Variants in ENTREP2 observed in about 807,000 individuals in gnomAD.
ENTREP2 encodes the protein protein ENTREP2.
chr15:29,643,647 T>C, the ENTREP2 span, among the ~76,000 whole-genome samples: 1 of 150,826 alleles, frequency 6.6e-6, no homozygotes, highest in East Asian at 2.0e-4. Context: ...CCGGGCATGG[T>C]GGTGAGCACC....
the ENTREP2 span, among the ~76,000 whole-genome samples, chr15:29,213,794 TC>T: frequency 2.0e-5 from 3 of 152,102 alleles, no homozygotes; most frequent in Non-Finnish European, 4.4e-5. Flanking sequence ...AATCTACTCA[TC>T]TGACAAAGGG....
chr15:29,657,008 G>T, the ENTREP2 span, among the ~76,000 whole-genome samples: 20 of 152,244 alleles, frequency 1.3e-4, no homozygotes, highest in Non-Finnish European at 2.2e-4. Context: ...TCGTGGTCTC[G>T]CTGCCTTCAA....
At chr15:29,214,464 C>T in the ENTREP2 span, among the ~76,000 whole-genome samples, 8 of 152,242 alleles carry the variant, frequency 5.3e-5, no homozygotes, top group East Asian at 1.2e-3. Context: ...CGCATGTTCT[C>T]ACATATAGGT....
the ENTREP2 span, among the ~76,000 whole-genome samples, chr15:29,531,543 G>C: frequency 1.3e-5 from 2 of 152,136 alleles, no homozygotes; most frequent in Admixed American, 1.3e-4. Flanking sequence ...AAGGCTGTGG[G>C]AAACCCATTT....
the ENTREP2 span, among the ~76,000 whole-genome samples, chr15:29,397,153 G>A: frequency 5.7e-4 from 87 of 152,292 alleles, no homozygotes; most frequent in Admixed American, 1.8e-3. Flanking sequence ...CACTTTGGGA[G>A]GCCGAGGTGG....
chr15:29,456,866 T>A, the ENTREP2 span, among the ~76,000 whole-genome samples: 8 of 152,302 alleles, frequency 5.3e-5, no homozygotes, highest in African/African-American at 1.9e-4. Flanking sequence ...CATCAGTTAC[T>A]TGGTTAGCGT....
the ENTREP2 span, among the ~76,000 whole-genome samples, chr15:29,236,596 C>A: frequency 1.3e-5 from 2 of 152,128 alleles, no homozygotes; most frequent in African/African-American, 2.4e-5. Context: ...TTGCATTGAG[C>A]TATGATTGTG....
chr15:29,673,284 C>A, the ENTREP2 span, among the ~76,000 whole-genome samples: 1 of 152,194 alleles, frequency 6.6e-6, no homozygotes, highest in African/African-American at 2.4e-5. Context: ...GTCTTTATGA[C>A]CTGTATCTTG....
chr15:29,640,162 G>T, the ENTREP2 span, among the ~76,000 whole-genome samples: 1 of 152,232 alleles, frequency 6.6e-6, no homozygotes, highest in South Asian at 2.1e-4. Flanking sequence ...ACTAAAATCA[G>T]AAATGAATGA....
chr15:29,304,038 G>T, the ENTREP2 span, among the ~76,000 whole-genome samples: 1 of 151,976 alleles, frequency 6.6e-6, no homozygotes, highest in Non-Finnish European at 1.5e-5. Context: ...CTGCCACCAT[G>T]CCCTGCTAAT....
chr15:29,594,047 C>T, the ENTREP2 span, among the ~76,000 whole-genome samples: 1 of 152,020 alleles, frequency 6.6e-6, no homozygotes, highest in East Asian at 1.9e-4. Flanking sequence ...AGAGGACCTT[C>T]CTGCACATTT....
At chr15:29,127,780 C>G in the ENTREP2 span, among the ~76,000 whole-genome samples, 1 of 152,136 alleles carries the variant, frequency 6.6e-6, no homozygotes, top group Non-Finnish European at 1.5e-5. Context: ...AGATGGGAAA[C>G]AGGAAGGGGC....
chr15:29,434,812 T>C, the ENTREP2 span, among the ~76,000 whole-genome samples: 2 of 152,036 alleles, frequency 1.3e-5, no homozygotes, highest in African/African-American at 2.4e-5. Context: ...CCTTAGACGG[T>C]GAAAAAAGTC....
At chr15:29,373,241 A>C in the ENTREP2 span, among the ~76,000 whole-genome samples, 1 of 152,190 alleles carries the variant, frequency 6.6e-6, no homozygotes, top group Non-Finnish European at 1.5e-5. Flanking sequence ...GTGACAGTGA[A>C]GGAGAGGAGT....
chr15:29,482,058 A>C, the ENTREP2 span, among the ~76,000 whole-genome samples: 76,715 of 151,552 alleles, frequency 0.51, 20,500 homozygotes, highest in African/African-American at 0.7. Flanking sequence ...AGTACAGTGG[A>C]ACAGTCTCAG....
chr15:29,389,086 A>G, the ENTREP2 span, among the ~76,000 whole-genome samples: 142 of 152,154 alleles, frequency 9.3e-4, no homozygotes, highest in African/African-American at 3.2e-3. Flanking sequence ...CACGTTGTGC[A>G]CATGTACCCT....
the ENTREP2 span, among the ~76,000 whole-genome samples, chr15:29,571,091 G>C: frequency 1.9e-4 from 28 of 150,558 alleles, no homozygotes; most frequent in Non-Finnish European, 3.6e-4. Flanking sequence ...CCGCCGCCGT[G>C]CGCTGGGCCC....
chr15:29,149,845 G>A, the ENTREP2 span, among the ~76,000 whole-genome samples: 2 of 152,188 alleles, frequency 1.3e-5, no homozygotes, highest in Non-Finnish European at 2.9e-5. Context: ...CGCGGTACCC[G>A]TCACAGACCG....
the ENTREP2 span, among the ~76,000 whole-genome samples, chr15:29,270,931 A>G: frequency 3.3e-5 from 5 of 152,232 alleles, no homozygotes; most frequent in African/African-American, 1.2e-4. Flanking sequence ...CTTTAATGCA[A>G]ATATATTCAA....
Sources: allele counts gnomAD v4.1 joint callset (sites outside exome capture counted in the v4.1 genomes callset), GRCh38; gene constraint gnomAD v4.1.1; transcripts MANE v1.5; gene names NCBI Gene and HGNC (gene_info 2026-07-23, HGNC 2026-07-21).